The following EYS variants were observed in gnomAD, a reference collection of about 807,000 sequenced individuals.
EYS encodes protein eyes shut homolog.
In EYS, 250 loss-of-function variants were observed where a neutral mutation model predicts 282.1. The ratio of observed to expected loss-of-function variants is 0.89; its 90% CI spans 0.80 to 0.98. EYS has a LOEUF of 0.98. Among genes scored for constraint, EYS ranks in the 50% least tolerant of loss-of-function variants. The pLI, the probability that EYS is intolerant of heterozygous loss-of-function variation, is 0.00. For missense variants in EYS, 4,016 were observed against 3,709.0 expected (o/e 1.08, Z -2.15); for synonymous variants, 1,355 against 1,282.9 (o/e 1.06, Z -1.20).
At chr6:65,494,094 G>C (rs1027742724) in intron 4 of EYS, among the ~76,000 whole-genome samples, 1 of 152,068 alleles carries the variant, frequency 6.6e-6, no homozygotes, top group South Asian at 2.1e-4. Context: ...TGGATGTTGG[G>C]AAAGATGTAA....
At chr6:64,820,463 A>G (rs1764867974) in intron 21 of EYS, among the ~76,000 whole-genome samples, 1 of 152,140 alleles carries the variant, frequency 6.6e-6, no homozygotes, top group South Asian at 2.1e-4. Flanking sequence ...CAGTAATGCA[A>G]ACAAGATGTA....
intron 19 of EYS, among the ~76,000 whole-genome samples, chr6:64,877,059 A>G (rs1263029182): frequency 6.6e-6 from 1 of 152,148 alleles, no homozygotes; most frequent in Non-Finnish European, 1.5e-5. Flanking sequence ...GCAAGAGATG[A>G]TGGGGGCTTA....
intron 2 of EYS, among the ~76,000 whole-genome samples, chr6:65,564,568 C>T (rs1390102337): frequency 6.6e-6 from 1 of 152,028 alleles, no homozygotes; most frequent in Non-Finnish European, 1.5e-5. Context: ...ACTGGCTAGC[C>T]ATATGCAGAA....
chr6:65,151,221 G>A (rs1002736279), intron 12 of EYS, among the ~76,000 whole-genome samples: 8 of 151,986 alleles, frequency 5.3e-5, no homozygotes, highest in Non-Finnish European at 1.0e-4. Flanking sequence ...AATGCTCCAA[G>A]CATCAGAAAA....
At chr6:65,294,829 G>T (rs1489952616) in intron 12 of EYS, among the ~76,000 whole-genome samples, 1 of 151,786 alleles carries the variant, frequency 6.6e-6, no homozygotes, top group African/African-American at 2.4e-5. Context: ...AACAATGCTA[G>T]CACATTTATG....
intron 22 of EYS, among the ~76,000 whole-genome samples, chr6:64,764,225 C>T (rs9351423): frequency 0.7 from 106,941 of 152,214 alleles, 39,139 homozygotes; most frequent in Non-Finnish European, 0.81. Context: ...CTGAGGGCTC[C>T]GCTTTGCAGC....
chr6:65,237,503 A>G (rs1191230504), intron 12 of EYS, among the ~76,000 whole-genome samples: 4 of 152,174 alleles, frequency 2.6e-5, no homozygotes, highest in African/African-American at 9.6e-5. Context: ...GGATTAAAGA[A>G]GTGACAGTAG....
intron 33 of EYS, among the ~76,000 whole-genome samples, chr6:64,061,283 T>C (rs1771157978): frequency 2.0e-5 from 3 of 152,232 alleles, no homozygotes; most frequent in Admixed American, 6.5e-5. Context: ...CAGAAAATTT[T>C]AAACTTCAGA....
At chr6:65,114,498 T>C (rs975617) in intron 12 of EYS, among the ~76,000 whole-genome samples, 39,150 of 150,536 alleles carry the variant, frequency 0.26, 6,390 homozygotes, top group African/African-American at 0.44. Context: ...TCTAAAGTGA[T>C]ATTTCAGGGT....
At chr6:65,695,844 T>C (rs141692817) in intron 1 of EYS, among the ~76,000 whole-genome samples, 101 of 152,126 alleles carry the variant, frequency 6.6e-4, no homozygotes, top group African/African-American at 2.2e-3. Context: ...AATTTGGCTA[T>C]TCTATATCCT....
intron 2 of EYS, among the ~76,000 whole-genome samples, chr6:65,582,812 C>T (rs1400707543): frequency 6.6e-6 from 1 of 152,062 alleles, no homozygotes; most frequent in Non-Finnish European, 1.5e-5. Context: ...CAAAGAAATA[C>T]ACCTAAGAAA....
chr6:64,713,012 A>G (rs73442632), intron 22 of EYS, among the ~76,000 whole-genome samples: 1,731 of 152,266 alleles, frequency 0.011, 34 homozygotes, highest in African/African-American at 0.04. Flanking sequence ...TTCATAAACC[A>G]AACAAAACAA....
chr6:65,255,853 T>C (rs1767446114), intron 12 of EYS, among the ~76,000 whole-genome samples: 2 of 151,988 alleles, frequency 1.3e-5, no homozygotes, highest in African/African-American at 4.8e-5. Flanking sequence ...CAATAACAAA[T>C]GCTGATGAGG....
intron 26 of EYS, among the ~76,000 whole-genome samples, chr6:64,479,707 A>G (rs373124503): frequency 4.6e-5 from 7 of 152,056 alleles, no homozygotes; most frequent in African/African-American, 1.4e-4. Context: ...AACACTTTTA[A>G]ACAGCTGTAC....
At chr6:64,417,671 C>CTTTTTTT (rs11414644) in intron 28 of EYS, among the ~76,000 whole-genome samples, 1 of 124,028 alleles carries the variant, frequency 8.1e-6, no homozygotes, top group African/African-American at 3.1e-5. Flanking sequence ...TAAGGGTTGG[C>CTTTTTTT]TTTTTTTTTT....
At chr6:63,984,739 G>C in intron 34 of EYS, 136 bp from the exon 35 acceptor site, 1 of 707,554 alleles carries the variant, frequency 1.4e-6, no homozygotes, top group Non-Finnish European at 2.4e-6. Context: ...TTGTTGGCTA[G>C]TTTTGTCACT....
At chr6:63,952,827 C>T (rs1165973799) in intron 35 of EYS, among the ~76,000 whole-genome samples, 1 of 152,094 alleles carries the variant, frequency 6.6e-6, no homozygotes, top group Admixed American at 6.5e-5. Flanking sequence ...CCTTACCATC[C>T]CATTAAAACC....
chr6:64,286,177 C>T (rs1174962695), intron 30 of EYS, among the ~76,000 whole-genome samples: 1 of 152,174 alleles, frequency 6.6e-6, no homozygotes, highest in Non-Finnish European at 1.5e-5. Flanking sequence ...TGTCCTACCT[C>T]TACAACTACC....
intron 28 of EYS, among the ~76,000 whole-genome samples, chr6:64,408,130 G>A (rs1773782768): frequency 1.3e-5 from 2 of 151,908 alleles, no homozygotes; most frequent in South Asian, 4.2e-4. Flanking sequence ...TTTGGAGAAG[G>A]AATGGTTTAA....
Sources: allele counts gnomAD v4.1 joint callset (sites outside exome capture counted in the v4.1 genomes callset), GRCh38; gene constraint gnomAD v4.1.1; transcripts MANE v1.5; gene names NCBI Gene and HGNC (gene_info 2026-07-23, HGNC 2026-07-21).